Variants in THSD1 observed in about 807,000 individuals in gnomAD.
THSD1 encodes thrombospondin type-1 domain-containing protein 1.
THSD1 carries 34 observed loss-of-function variants against 46.3 expected under a neutral mutation model. The observed-to-expected ratio is 0.74, with a 90% confidence interval of 0.56 to 0.98. THSD1 has a LOEUF of 0.98. Among genes scored for constraint, THSD1 ranks in the 50% least tolerant of loss-of-function variants. The pLI is 0.00. For synonymous variants in THSD1, 407 were observed against 416.5 expected, an observed-to-expected ratio of 0.98 and a Z score of 0.28; for missense variants, 1,023 against 1,058.3, an observed-to-expected ratio of 0.97 and a Z score of 0.46.
intron 3 of THSD1, among the ~76,000 whole-genome samples, chr13:52,391,877 T>C (rs898476697): frequency 6.6e-6 from 1 of 151,674 alleles, no homozygotes; most frequent in Non-Finnish European, 1.5e-5. Context: ...CATTTTGAAA[T>C]GTTGTGTTCT....
chr13:52,403,379 G>A (rs1390817883), intron 1 of THSD1, among the ~76,000 whole-genome samples: 2 of 152,152 alleles, frequency 1.3e-5, no homozygotes, highest in Admixed American at 6.5e-5. Context: ...TATGCATCAC[G>A]AGATCGGTGG....
chr13:52,397,362 T>A lies in THSD1; in HGVS notation c.891A>T (p.Gly297=). The change falls in exon 3 of 5, where the codon GGA becomes GGT. Residue 297 remains glycine (G), a synonymous_variant. Transcript: ENST00000258613. ...TACAGTTAAAAATTGTCCTCCTCTCTCCCAGGGGCAGGCTGTTTTCAGCCA... is the reference window on the plus strand; with the variant it reads ...TACAGTTAAAAATTGTCCTCCTCTCACCCAGGGGCAGGCTGTTTTCAGCCA... ...IHLAENSLPL[G]ERRTIFNCTL... 6.2e-7 allele frequency: 1 copy of A among 1,614,130 alleles called. No homozygotes were observed. The highest frequency in any genetic ancestry group is 8.5e-7 in the Non-Finnish European group (1 of 1,180,024).
At chr13:52,400,522 C>T (rs573643097) in intron 2 of THSD1, among the ~76,000 whole-genome samples, 2 of 152,166 alleles carry the variant, frequency 1.3e-5, no homozygotes, top group East Asian at 1.9e-4. Context: ...TGCTGGAACC[C>T]GGGAAGTGGA....
intron 2 of THSD1, among the ~76,000 whole-genome samples, chr13:52,401,975 C>T (rs546136445): frequency 3.9e-5 from 6 of 152,282 alleles, no homozygotes; most frequent in South Asian, 4.1e-4. Flanking sequence ...AAACGAATGA[C>T]GAGAACAGAC....
In THSD1 at chr13:52,377,294, C is replaced by A; in HGVS notation, c.*117G>T. The A allele has an allele frequency of 7.2e-7, 1 of 1,390,268 alleles. No individual in the cohort carries two copies. The highest frequency in any genetic ancestry group is 2.0e-5 in the South Asian group (1 of 50,864). 86.1% of individuals were successfully genotyped at this position (1,390,268 alleles called of 1,614,324 possible). On this transcript the variant is annotated 3_prime_UTR_variant, in exon 5 of 5. Coordinates refer to ENST00000258613, the MANE Select transcript of THSD1 (RefSeq NM_018676.4). ...TCAAACACATGCATACACACACATC[C>A]TCCTCTGTGTGTTACTTCCTCCTCA...
At chr13:52,402,498 T>C in intron 2 of THSD1, 45 bp downstream of exon 2, 2 of 1,573,702 alleles carry the variant, frequency 1.3e-6, no homozygotes, top group Non-Finnish European at 1.7e-6. Flanking sequence ...GTCATCTTTA[T>C]GTCTTATTGC....
chr13:52,383,554 T>G (rs1239868206), intron 4 of THSD1, among the ~76,000 whole-genome samples: 1 of 152,224 alleles, frequency 6.6e-6, no homozygotes, highest in Non-Finnish European at 1.5e-5. Flanking sequence ...TTACACACCA[T>G]GAACCTCTTC....
chr13:52,389,730 G>A (rs1221789223), intron 3 of THSD1, among the ~76,000 whole-genome samples: 1 of 152,026 alleles, frequency 6.6e-6, no homozygotes, highest in Non-Finnish European at 1.5e-5. Context: ...CCTAACACCG[G>A]AGCTTCAAAA....
Position 52,377,249 on chromosome 13 carries a change from A to G in THSD1, c.*162T>C. On this transcript the variant is annotated 3_prime_UTR_variant, in exon 5 of 5. Transcript: ENST00000258613. ...TAACAAAGGAAAAAGCTCAAGATAA[A>G]TAATTTCTTCCTTGTGAATTCAAAC... 2 of 1,317,228 alleles carry G rather than the reference A, an allele frequency of 1.5e-6. No individual in the cohort carries two copies. The highest frequency in any genetic ancestry group is 1.9e-6 in the Non-Finnish European group (2 of 1,028,826). The allele number at this position is 1,317,228 out of a possible 1,614,324, so 81.6% of individuals were successfully genotyped here. A position where few individuals can be genotyped will look rare whatever the true frequency, so the allele number is the denominator to read the frequency against.
rs1158416792 is a variant in THSD1 at position 52,377,973 on chromosome 13, C to G, written c.1997G>C (p.Arg666Pro). Residue 666 changes from arginine (R) to proline (P), a missense_variant, in exon 5 of 5, where the codon CGA becomes CCA. By Grantham distance (103) the Arg-to-Pro change is moderately radical. This residue lies in a region of THSD1 where 578 missense variants were observed against 497.4 expected (regional missense o/e 1.16). Coordinates refer to ENST00000258613, the MANE Select transcript of THSD1 (RefSeq NM_018676.4). ...AGTCAGAGTGGACATGCTCCTCTCT[C>G]GGAACGGCCGGGCCTGCCTGGCTTC... ...FHEARQARPF[R>P]ERSMSTLTPR... The G allele has an allele frequency of 2.5e-6, 4 of 1,614,034 alleles. No individual in the cohort carries two copies. The highest frequency in any genetic ancestry group is 3.4e-6 in the Non-Finnish European group (4 of 1,180,046).
At chr13:52,395,338 C>T (rs1239571389) in intron 3 of THSD1, among the ~76,000 whole-genome samples, 1 of 152,028 alleles carries the variant, frequency 6.6e-6, no homozygotes, top group Non-Finnish European at 1.5e-5. Flanking sequence ...GGAGACAAAG[C>T]CATAGGACTC....
chr13:52,402,288 A>G (rs1957869899), intron 2 of THSD1, among the ~76,000 whole-genome samples: 2 of 152,224 alleles, frequency 1.3e-5, no homozygotes, highest in Admixed American at 6.6e-5. Flanking sequence ...GCTTGCCTCC[A>G]ATTTGTTAAA....
At chr13:52,402,816 T>C (rs537331100) in intron 1 of THSD1, 135 bp from the exon 2 acceptor site, 2 of 1,360,038 alleles carry the variant, frequency 1.5e-6, no homozygotes, top group Non-Finnish European at 1.9e-6. Flanking sequence ...GACACTAATT[T>C]TCCCTGGGGC....
At chr13:52,403,002 A>G in intron 1 of THSD1, 1 of 941,116 alleles carries the variant, frequency 1.1e-6, no homozygotes, top group Non-Finnish European at 1.3e-6. Flanking sequence ...ATCAAAGTTA[A>G]TAGCCAATTT....
chr13:52,397,130 TA>T, intron 3 of THSD1, 101 bp downstream of exon 3: 1 of 1,079,264 alleles, frequency 9.3e-7, no homozygotes, highest in Non-Finnish European at 1.3e-6. Flanking sequence ...GCATGAACCA[TA>T]AAAATGATGG....
rs777269940 is a variant in THSD1, at chr13:52,397,370, G to T, written c.883C>A (p.Pro295Thr). The T allele has an allele frequency of 2.5e-6, 4 of 1,614,114 alleles. No homozygotes were observed. In the South Asian group the frequency reaches 4.4e-5, roughly 18 times the overall value. Reference sequence around the variant, plus strand: ...AAAATTGTCCTCCTCTCTCCCAGGGGCAGGCTGTTTTCAGCCAAGTGAATG... The same window carrying T: ...AAAATTGTCCTCCTCTCTCCCAGGGTCAGGCTGTTTTCAGCCAAGTGAATG... The part of the protein sequence containing the change: ...RTIHLAENSL[P>T]LGERRTIFNC... The change falls in exon 3 of 5, where the codon CCC (proline) becomes ACC (threonine). Residue 295 changes from proline (P) to threonine (T), a missense_variant. Transcript: ENST00000258613.
chr13:52,389,229 C>G (rs1213443389), intron 3 of THSD1, among the ~76,000 whole-genome samples: 1 of 152,136 alleles, frequency 6.6e-6, no homozygotes, highest in Non-Finnish European at 1.5e-5. Flanking sequence ...TCCCAAAATG[C>G]TGGGATTACA....
At chr13:52,390,643 A>G (rs1957766402) in intron 3 of THSD1, among the ~76,000 whole-genome samples, 2 of 152,196 alleles carry the variant, frequency 1.3e-5, no homozygotes, top group Admixed American at 6.5e-5. Flanking sequence ...AGAATCTCCT[A>G]TTAAAGTCTC....
chr13:52,384,176 C>T (rs1957712794), intron 4 of THSD1: 2 of 316,126 alleles, frequency 6.3e-6, no homozygotes, highest in Non-Finnish European at 1.2e-5. Flanking sequence ...AAGAGCGAAA[C>T]TCCGTCTCAA....
Sources: gnomAD v4.1 joint callset for allele counts (sites outside exome capture counted in the v4.1 genomes callset) on GRCh38, gnomAD v4.1.1 for gene constraint, gnomAD v4.1.1 regional missense constraint, MANE v1.5 for transcripts, NCBI Gene and HGNC (gene_info 2026-07-23, HGNC 2026-07-21) for gene names.